Variants in BAIAP2 observed in about 807,000 individuals in gnomAD.
The protein encoded by BAIAP2 is BAR/IMD domain containing adaptor protein 2.
Under a neutral mutation model 63.0 loss-of-function variants are expected in BAIAP2, and 18 were observed. The ratio of observed to expected loss-of-function variants is 0.29; its 90% confidence interval spans 0.20 to 0.42. BAIAP2 has a LOEUF of 0.42. Ranked by LOEUF, BAIAP2 falls within the 10% of genes least tolerant of loss-of-function variation. The pLI is 1.00. For synonymous variants in BAIAP2, 386 were observed against 307.6 expected (o/e 1.25, Z -2.67); for missense variants, 610 against 734.3 (o/e 0.83, Z 1.96).
intron 1 of BAIAP2, among the ~76,000 whole-genome samples, chr17:81,043,516 C>T (rs547901191): frequency 4.9e-4 from 74 of 152,324 alleles, no homozygotes; most frequent in Non-Finnish European, 7.2e-4. Context: ...GGGGCCTGGG[C>T]GGTGTCACTG....
At chr17:81,082,494 G>A (rs1223926204) in intron 3 of BAIAP2, among the ~76,000 whole-genome samples, 3 of 152,146 alleles carry the variant, frequency 2.0e-5, no homozygotes, top group East Asian at 1.9e-4. Context: ...GGCTCTGTGC[G>A]TCCCCCACCC....
intron 6 of BAIAP2, among the ~76,000 whole-genome samples, chr17:81,099,725 G>A (rs548992009): frequency 9.9e-5 from 15 of 152,104 alleles, no homozygotes; most frequent in African/African-American, 3.1e-4. Flanking sequence ...TGTGGCCATC[G>A]GGCATCTCCT....
chr17:81,104,426 T>C lies in BAIAP2; in HGVS notation c.1067-88T>C, dbSNP rs930304146. ...CTTACCCACCTGGGGCACAGGCGGC[T>C]GTGCTCTCAGCACCTCAACCAGACT... On this transcript the variant is annotated intron_variant, in intron 9 of 13. Coordinates refer to ENST00000428708, the MANE Select transcript of BAIAP2 (RefSeq NM_001144888.2). 123 of 1,403,498 alleles carry C rather than the reference T, an allele frequency of 8.8e-5. No homozygotes were observed. In the Middle Eastern group the frequency reaches 2.6e-3, roughly 30 times the overall value. 86.9% of individuals were successfully genotyped at this position (1,403,498 alleles called of 1,614,324 possible).
At position 81,053,755 on chromosome 17, in the gene BAIAP2, C is replaced by T. The variant is rs759510037; in HGVS notation, c.130+12C>T. The T allele has an allele frequency of 6.2e-7, 1 of 1,613,736 alleles. No individual in the cohort carries two copies. The highest frequency in any genetic ancestry group is 1.1e-5 in the South Asian group (1 of 91,064). ...GAAGGCACTGGCAGGTGGAACTGCG[C>T]CCGGGCCCCGTGGGGTGGGAGCTGC... On this transcript the variant is annotated intron_variant, in intron 2 of 13. Coordinates refer to ENST00000428708, the MANE Select transcript of BAIAP2 (RefSeq NM_001144888.2).
chr17:81,043,633 C>A (rs1040440097), intron 1 of BAIAP2, among the ~76,000 whole-genome samples: 2 of 152,216 alleles, frequency 1.3e-5, no homozygotes, highest in African/African-American at 4.8e-5. Context: ...GGAGGCCCTG[C>A]CACTGTGCAC....
intron 3 of BAIAP2, among the ~76,000 whole-genome samples, chr17:81,063,312 TCTCA>T (rs1173521404): frequency 6.6e-6 from 1 of 152,194 alleles, no homozygotes; most frequent in Non-Finnish European, 1.5e-5. Context: ...AACCTGCCTT[TCTCA>T]CTGTGTCTTA....
intron 3 of BAIAP2, among the ~76,000 whole-genome samples, chr17:81,066,311 CAGCCT>C (rs2051457828): frequency 6.6e-6 from 1 of 152,372 alleles, no homozygotes; most frequent in South Asian, 2.1e-4. Context: ...CCTGTTGGGC[CAGCCT>C]CAGAATGAGG....
intron 2 of BAIAP2, chr17:81,057,569 C>CT: frequency 9.9e-7 from 1 of 1,010,144 alleles, no homozygotes. Context: ...ACAACACTCC[C>CT]TCCCCCCGGC....
chr17:81,104,694 G>T lies in BAIAP2; in HGVS notation c.1247G>T (p.Gly416Val). 1 of 1,590,524 alleles carries T rather than the reference G, an allele frequency of 6.3e-7. No individual in the cohort carries two copies. The highest frequency in any genetic ancestry group is 1.1e-5 in the South Asian group (1 of 88,166). Residue 416 changes from glycine (G) to valine (V), a missense_variant, in exon 10 of 14, where the codon GGA becomes GTA. By Grantham distance (109) the Gly-to-Val change is moderately radical. Coordinates refer to ENST00000428708, the MANE Select transcript of BAIAP2 (RefSeq NM_001144888.2). The part of the protein sequence containing the change: ...VPEARDGWHY[G>V]ESEKTKMRGW... ...GAGGCCCGCGATGGCTGGCACTACGGAGAGAGTGAGAAGACCAAGATGTGA... is the reference window on the plus strand; with the variant it reads ...GAGGCCCGCGATGGCTGGCACTACGTAGAGAGTGAGAAGACCAAGATGTGA...
rs976430340 is a variant in BAIAP2 at position 81,115,908 on chromosome 17, C to A, written c.*69C>A. 17 of 1,599,250 alleles carry A rather than the reference C, an allele frequency of 1.1e-5. No individual in the cohort carries two copies. The highest frequency in any genetic ancestry group is 1.4e-5 in the Non-Finnish European group (16 of 1,173,566). On this transcript the variant is annotated 3_prime_UTR_variant, in exon 14 of 14. Coordinates refer to ENST00000428708, the MANE Select transcript of BAIAP2 (RefSeq NM_001144888.2). Reference sequence around the variant, plus strand: ...CTTCCCATGTAGCCTGTTCTGTCATCATCTGTGCGTTCCTGTGTAGAGAAC... The same window carrying A: ...CTTCCCATGTAGCCTGTTCTGTCATAATCTGTGCGTTCCTGTGTAGAGAAC...
intron 3 of BAIAP2, among the ~76,000 whole-genome samples, chr17:81,061,224 T>C (rs1311926375): frequency 6.6e-6 from 1 of 152,262 alleles, no homozygotes; most frequent in Non-Finnish European, 1.5e-5. Flanking sequence ...ATTATCACAG[T>C]ATTTGTTTAA....
chr17:81,116,195 T>G lies in BAIAP2; in HGVS notation c.*356T>G, dbSNP rs757224671. On this transcript the variant is annotated 3_prime_UTR_variant, in exon 14 of 14. Transcript: ENST00000428708. ...AGGGGAGCCTGGCTGCCCTGCTGCT[T>G]CTCCTGCCTAATAAACAGGCTTCTC... 42 of 1,607,522 alleles carry G rather than the reference T, an allele frequency of 2.6e-5. No individual in the cohort carries two copies. The highest frequency in any genetic ancestry group is 3.5e-5 in the Non-Finnish European group (41 of 1,176,096).
At chr17:81,051,599 G>A (rs12603891) in intron 1 of BAIAP2, among the ~76,000 whole-genome samples, 1 of 152,102 alleles carries the variant, frequency 6.6e-6, no homozygotes, top group African/African-American at 2.4e-5. Context: ...GTTTCACCAC[G>A]TTGGCCAGGA....
intron 3 of BAIAP2, among the ~76,000 whole-genome samples, chr17:81,081,564 G>T (rs776480526): frequency 6.6e-6 from 1 of 152,168 alleles, no homozygotes; most frequent in East Asian, 1.9e-4. Context: ...GCCTGCTCAC[G>T]TCCAAGTGGC....
chr17:81,106,086 G>C lies in BAIAP2; in HGVS notation c.1277G>C (p.Trp426Ser). Residue 426 changes from tryptophan (W) to serine (S), a missense_variant, in exon 11 of 14, where the codon TGG becomes TCG. Around this residue, in one of 5 missense-constraint regions of BAIAP2, gnomAD observed 67 missense variants for 132.0 expected, o/e 0.51. Coordinates refer to ENST00000428708, the MANE Select transcript of BAIAP2 (RefSeq NM_001144888.2). ...TGGGGCCTCTCTTCCAGGCGGGGCT[G>C]GTTTCCCTTCTCCTACACCCGGGTC... Reference protein sequence around the residue: ...GESEKTKMRGWFPFSYTRVLD... With the variant: ...GESEKTKMRGSFPFSYTRVLD... The C allele has an allele frequency of 6.3e-7, 1 of 1,577,652 alleles. No homozygotes were observed. Among genetic ancestry groups the C allele is most frequent in the Non-Finnish European group, 8.6e-7 (1 of 1,161,324 alleles).
At chr17:81,073,732 C>G (rs1182537565) in intron 3 of BAIAP2, among the ~76,000 whole-genome samples, 1 of 152,178 alleles carries the variant, frequency 6.6e-6, no homozygotes, top group Non-Finnish European at 1.5e-5. Context: ...ACTATAAGAA[C>G]ACGTTGTATT....
chr17:81,057,544 T>C, intron 2 of BAIAP2: 1 of 799,484 alleles, frequency 1.3e-6, no homozygotes, highest in Non-Finnish European at 1.5e-6. Context: ...CTTTGTCTCA[T>C]GAAATACAGT....
chr17:81,042,757 C>T (rs1277524653), intron 1 of BAIAP2, among the ~76,000 whole-genome samples: 2 of 152,036 alleles, frequency 1.3e-5, no homozygotes, highest in Non-Finnish European at 2.9e-5. Flanking sequence ...GTCCCCTAGC[C>T]GCAGGAGCTG....
chr17:81,093,244 A>T (rs1246457152), intron 6 of BAIAP2, among the ~76,000 whole-genome samples: 1 of 152,020 alleles, frequency 6.6e-6, no homozygotes, highest in Non-Finnish European at 1.5e-5. Flanking sequence ...TCAGAATCGC[A>T]CTGGGCATGG....
Sources: allele counts gnomAD v4.1 joint callset (sites outside exome capture counted in the v4.1 genomes callset), GRCh38; gene constraint gnomAD v4.1.1; regional missense constraint gnomAD v4.1.1; transcripts MANE v1.5; gene names NCBI Gene and HGNC (gene_info 2026-07-23, HGNC 2026-07-21).